TRIM15: variants seen among roughly 807,000 people sequenced by gnomAD.
TRIM15 encodes tripartite motif containing 15, also known as E3 ubiquitin-protein ligase TRIM15.
Under a neutral mutation model 35.8 loss-of-function variants are expected in TRIM15, and 35 were observed. The observed-to-expected ratio is 0.98, with a 90% CI of 0.75 to 1.30. TRIM15 has a LOEUF of 1.30. Among genes scored for constraint, TRIM15 ranks in the 50% most tolerant of loss-of-function variants. TRIM15 has a pLI of 0.00. For synonymous variants in TRIM15, 252 were observed against 249.8 expected (o/e 1.01, Z -0.08); for missense variants, 590 against 593.5 (o/e 0.99, Z 0.06).
chr6:30,166,732 A>G (rs1213551153), intron 1 of TRIM15, among the ~76,000 whole-genome samples: 2 of 152,218 alleles, frequency 1.3e-5, no homozygotes, highest in Non-Finnish European at 2.9e-5. Context: ...CTTCCTATCC[A>G]TGAGCATGGA....
At position 30,172,082 on chromosome 6, in the gene TRIM15, G is replaced by A. The variant is rs1462700129; in HGVS notation, c.1131G>A (p.Glu377=). 2.5e-6 allele frequency: 4 copies of A among 1,575,608 alleles called. No individual in the cohort carries two copies. Among genetic ancestry groups the A allele is most frequent in the African/African-American group, 2.7e-5 (2 of 74,312 alleles). ...VAGEGVRRKG[E]MGLSAEDGVW... ...GGGAGGGGGTGAGGAGGAAGGGAGA[G>A]ATGGGACTCAGCGCCGAGGACGGCG... is the stretch of plus-strand genomic sequence containing the variant. Residue 377 remains glutamate (E), a synonymous_variant, in exon 7 of 7, where the codon GAG becomes GAA. Transcript: ENST00000376694.
rs369531398 is a variant in TRIM15 at position 30,169,279 on chromosome 6, C to T, written c.731+16C>T. 65 of 1,612,942 alleles carry T rather than the reference C, an allele frequency of 4.0e-5. No homozygotes were observed. Among genetic ancestry groups the T allele is most frequent in the Admixed American group, 1.7e-4 (10 of 60,010 alleles). The stretch of plus-strand genomic sequence containing the variant: ...ACCAGAGCAGGTAGGGCCCACTCCC[C>T]GGTCCTGCCTCCTTTTACTCAACAT... On this transcript the variant is annotated intron_variant, in intron 4 of 6. Transcript: ENST00000376694.
intron 4 of TRIM15, chr6:30,170,200 C>T (rs1773910105): frequency 6.2e-6 from 2 of 323,968 alleles, no homozygotes; most frequent in Non-Finnish European, 1.1e-5. Flanking sequence ...CTGTTGCCCT[C>T]TAGAGACCAA....
Position 30,172,420 on chromosome 6 carries a change from G to A in TRIM15, c.*71G>A. 1 of 1,528,460 alleles carries A rather than the reference G, an allele frequency of 6.5e-7. No homozygotes were observed. The allele number at this position is 1,528,460 out of a possible 1,614,324, so 94.7% of individuals were successfully genotyped here. A position where few individuals can be genotyped will look rare whatever the true frequency, so the allele number is the denominator to read the frequency against. The stretch of plus-strand genomic sequence containing the variant: ...GGATCCAGCTCCGCCCCTGGCCAGT[G>A]TGCGGCCCGGGGGCTCCCTGTGCCC... On this transcript the variant is annotated 3_prime_UTR_variant, in exon 7 of 7. Transcript: ENST00000376694.
In TRIM15 at chr6:30,167,270, T is replaced by G. The variant is rs768117285; in HGVS notation, c.476T>G (p.Leu159Arg). ...CQEDQKLQVL[L>R]TQIESKKHQV... The stretch of plus-strand genomic sequence containing the variant: ...GAAGACCAGAAGCTTCAAGTGCTGC[T>G]GGTACAGGCCACGTCACTGGCTACC... The change falls in exon 2 of 7, where the codon CTG becomes CGG. Residue 159 changes from leucine to arginine, a missense_variant and splice_region_variant. Transcript: ENST00000376694. 6.2e-7 allele frequency: 1 copy of G among 1,612,060 alleles called. No individual in the cohort carries two copies. Among genetic ancestry groups the G allele is most frequent in the South Asian group, 1.1e-5 (1 of 91,056 alleles).
chr6:30,166,922 G>A (rs955500672), intron 1 of TRIM15, among the ~76,000 whole-genome samples: 3 of 152,064 alleles, frequency 2.0e-5, no homozygotes, highest in Non-Finnish European at 4.4e-5. Flanking sequence ...CTTCCCTTAG[G>A]CCTACAGGCA....
At chr6:30,167,676 A>C (rs1422983077) in intron 2 of TRIM15, among the ~76,000 whole-genome samples, 1 of 152,164 alleles carries the variant, frequency 6.6e-6, no homozygotes, top group African/African-American at 2.4e-5. Flanking sequence ...TAGTGTCGGG[A>C]TTCTAGTCCT....
At chr6:30,170,677 C>A in intron 5 of TRIM15, 61 bp downstream of exon 5, 2 of 1,319,874 alleles carry the variant, frequency 1.5e-6, no homozygotes, top group Non-Finnish European at 1.1e-6. Flanking sequence ...GTCTTCCACC[C>A]ATCTCCATCC....
chr6:30,165,392 T>C (rs139804176), intron 1 of TRIM15, among the ~76,000 whole-genome samples: 261 of 152,364 alleles, frequency 1.7e-3, no homozygotes, highest in African/African-American at 5.7e-3. Context: ...CTGAGAATGA[T>C]GGTTTCCAGC....
intron 4 of TRIM15, 27 bp from the exon 5 acceptor site, chr6:30,170,474 C>A: frequency 2.6e-6 from 4 of 1,551,874 alleles, no homozygotes; most frequent in Non-Finnish European, 3.6e-6. Flanking sequence ...GAATTTGGAC[C>A]TAACTGGTTA....
Position 30,172,548 on chromosome 6 carries a change from C to A in TRIM15, c.*199C>A. 2 of 834,892 alleles carry A rather than the reference C, an allele frequency of 2.4e-6. No homozygotes were observed. The highest frequency in any genetic ancestry group is 3.9e-6 in the Non-Finnish European group (2 of 517,076). The allele number at this position is 834,892 out of a possible 1,614,324, so 51.7% of individuals were successfully genotyped here. The stretch of plus-strand genomic sequence containing the variant: ...CCTGACGTCCTGAGCCTCCCTGTGA[C>A]GCTCTGGCCTTCTCTGTACCTCAGA... On this transcript the variant is annotated 3_prime_UTR_variant, in exon 7 of 7. Transcript: ENST00000376694.
At chr6:30,170,109 T>C (rs1773902851) in intron 4 of TRIM15, among the ~76,000 whole-genome samples, 1 of 152,174 alleles carries the variant, frequency 6.6e-6, no homozygotes, top group South Asian at 2.1e-4. Context: ...TGATCCTTTT[T>C]TTTTCTTCCC....
chr6:30,170,303 G>T, intron 4 of TRIM15, 198 bp from the exon 5 acceptor site: 1 of 559,678 alleles, frequency 1.8e-6, no homozygotes, highest in Non-Finnish European at 3.2e-6. Flanking sequence ...ATTATCCTTA[G>T]TTCCTCTTAG....
chr6:30,163,575 CCTTGCAGCCGTT>C lies in TRIM15; in HGVS notation c.-109_-98del. On this transcript the variant is annotated 5_prime_UTR_variant, in exon 1 of 7. Coordinates refer to ENST00000376694, the MANE Select transcript of TRIM15 (RefSeq NM_033229.3). ...CTCTTTCTCTCTCTCTGTCTCTTAG[CCTTGCAGCCGTT>C]TCCCTCTGCGATTCATGTAAGTGTG... 25 of 1,097,156 alleles carry C rather than the reference CCTTGCAGCCGTT, an allele frequency of 2.3e-5. No homozygotes were observed. The highest frequency in any genetic ancestry group is 3.5e-5 in the East Asian group (1 of 28,608). The allele number at this position is 1,097,156 out of a possible 1,614,324, so 68.0% of individuals were successfully genotyped here.
rs779445396 is a variant in TRIM15, at chr6:30,164,061, AC to A, written c.379del (p.Arg127GlyfsTer11). On this transcript the variant is annotated frameshift_variant, in exon 1 of 7. Coordinates refer to ENST00000376694, the MANE Select transcript of TRIM15 (RefSeq NM_033229.3). LOFTEE classifies it high-confidence loss of function. ...VGFLDEAIQPYRDRLRSRLEA... is the reference protein window; with the variant it reads ...VGFLDEAIQPXRDRLRSRLEA... ...TTCCTGGACGAGGCCATTCAGCCCT[AC>A]CGGGTAAGAAGTGTAGCTTTACCTA... 1.2e-6 allele frequency: 2 copies of A among 1,610,370 alleles called. No individual in the cohort carries two copies. The highest frequency in any genetic ancestry group is 1.7e-6 in the Non-Finnish European group (2 of 1,178,362).
Position 30,163,674 on chromosome 6 carries a change from A to G in TRIM15, c.-11A>G. ...GGAGACCGGAGTGGACGGGCTGGGG[A>G]AGGCACCGTGATGCCCGCAACCCCG... On this transcript the variant is annotated 5_prime_UTR_variant, in exon 1 of 7. Transcript: ENST00000376694. 1.9e-6 allele frequency: 3 copies of G among 1,592,240 alleles called. No individual in the cohort carries two copies. The highest frequency in any genetic ancestry group is 2.6e-6 in the Non-Finnish European group (3 of 1,167,776).
chr6:30,172,316 GA>G lies in TRIM15; in HGVS notation c.1371del (p.Gly458ValfsTer6). ...GKVFPFFAVW[K>X]KGSCLTLKG Reference sequence around the variant, plus strand: ...AAGTCTTCCCTTTCTTTGCCGTCTGGAAAAAAGGTTCCTGCCTTACGCTGAA... The same window carrying G: ...AAGTCTTCCCTTTCTTTGCCGTCTGGAAAAAGGTTCCTGCCTTACGCTGAA... On this transcript the variant is annotated frameshift_variant, in exon 7 of 7. Transcript: ENST00000376694. LOFTEE classifies it low-confidence loss of function (END_TRUNC). 1 of 1,609,572 alleles carries G rather than the reference GA, an allele frequency of 6.2e-7. No individual in the cohort carries two copies.
rs1341026041 is a variant in TRIM15 at position 30,163,867 on chromosome 6, A to G, written c.183A>G (p.Gln61=). 3 of 1,612,868 alleles carry G rather than the reference A, an allele frequency of 1.9e-6. No homozygotes were observed. Among genetic ancestry groups the G allele is most frequent in the African/African-American group, 2.7e-5 (2 of 74,912 alleles). ...AGATCCTGCTCTGCCCGCTCTGCCA[A>G]GAGGAGGAGCAGGCAGAGACTCCCA... ...SGKILLCPLC[Q]EEEQAETPMA... is the part of the protein sequence containing the mutation. Residue 61 remains glutamine (Q), a synonymous_variant, in exon 1 of 7, where the codon CAA becomes CAG. Transcript: ENST00000376694.
chr6:30,168,178 T>C, intron 2 of TRIM15, 122 bp from the exon 3 acceptor site: 2 of 793,622 alleles, frequency 2.5e-6, no homozygotes, highest in African/African-American at 1.7e-5. Context: ...TATTAGTAAA[T>C]GGAATGAGTC....
Sources: gnomAD v4.1 joint callset for allele counts (sites outside exome capture counted in the v4.1 genomes callset) on GRCh38, gnomAD v4.1.1 for gene constraint, MANE v1.5 for transcripts, NCBI Gene and HGNC (gene_info 2026-07-23, HGNC 2026-07-21) for gene names.